Variants in METTL3 observed in about 807,000 individuals in gnomAD.
METTL3 encodes N(6)-adenosine-methyltransferase catalytic subunit METTL3.
In METTL3, 42 loss-of-function variants were observed where a neutral mutation model predicts 64.3. That is an observed-to-expected ratio of 0.65 (90% CI 0.51 to 0.84). The LOEUF (loss-of-function observed/expected upper bound fraction) is 0.84, where lower values mean the gene tolerates loss of function less well. Ranked by LOEUF, METTL3 falls within the 40% of genes least tolerant of loss-of-function variation. The pLI, the probability that METTL3 is intolerant of heterozygous loss-of-function variation, is 0.00. For synonymous variants in METTL3, 256 were observed against 263.6 expected (o/e 0.97, Z 0.28); for missense variants, 435 against 722.3 (o/e 0.60, Z 4.56).
intron 3 of METTL3, chr14:21,502,365 A>G (rs1891590175): frequency 6.4e-6 from 1 of 156,328 alleles, no homozygotes; most frequent in Non-Finnish European, 1.4e-5. Context: ...GAGCCTTCAG[A>G]TAAGAGATTT....
chr14:21,498,231 G>C lies in METTL3; in HGVS notation c.*27C>G. On this transcript the variant is annotated 3_prime_UTR_variant, in exon 11 of 11. Coordinates refer to ENST00000298717, the MANE Select transcript of METTL3 (RefSeq NM_019852.5). ...TTTAGCTTACAGAGCCATGGCTATG[G>C]ATTCTTAGCTCTGTAAGGAAGTGCT... 7.7e-7 allele frequency: 1 copy of C among 1,305,372 alleles called. No homozygotes were observed. Among genetic ancestry groups the C allele is most frequent in the South Asian group, 1.2e-5 (1 of 84,716 alleles). The allele number at this position is 1,305,372 out of a possible 1,614,324, so 80.9% of individuals were successfully genotyped here.
intron 9 of METTL3, 68 bp downstream of exon 9, chr14:21,499,238 A>G: frequency 6.3e-7 from 1 of 1,597,534 alleles, no homozygotes; most frequent in Non-Finnish European, 8.6e-7. Flanking sequence ...TGGGATGAGA[A>G]TACACCCAAC....
chr14:21,502,072 G>A (rs1490844152), intron 3 of METTL3, among the ~76,000 whole-genome samples, 169 bp from the exon 4 acceptor site: 1 of 144,052 alleles, frequency 6.9e-6, no homozygotes, highest in East Asian at 2.0e-4. Flanking sequence ...CCAGAGTGTA[G>A]TTGTGTAATC....
chr14:21,502,963 C>T lies in METTL3; in HGVS notation c.723+210G>A, dbSNP rs1891605293. 8.7e-6 allele frequency: 5 copies of T among 575,272 alleles called. No individual in the cohort carries two copies. The Admixed American group carries it at 1.5e-4, about 18-fold the overall frequency. 35.6% of individuals were successfully genotyped at this position (575,272 alleles called of 1,614,324 possible). Reference sequence around the variant, plus strand: ...GGATGTTTGACAACATCCCTGGCCTCTACCCCCACTAGATGCCAATAGCAC... The same window carrying T: ...GGATGTTTGACAACATCCCTGGCCTTTACCCCCACTAGATGCCAATAGCAC... On this transcript the variant is annotated intron_variant, in intron 3 of 10. Coordinates refer to ENST00000298717, the MANE Select transcript of METTL3 (RefSeq NM_019852.5).
chr14:21,503,070 G>A lies in METTL3; in HGVS notation c.723+103C>T. ...GGGCAGTAGGGAATCATCCCCAGTT[G>A]AGAACCACTGCTGTAAACAGTTCCT... is the stretch of plus-strand genomic sequence containing the variant. On this transcript the variant is annotated intron_variant, in intron 3 of 10. Transcript: ENST00000298717. The A allele has an allele frequency of 2.3e-6, 3 of 1,285,900 alleles. No homozygotes were observed. In the South Asian group the frequency reaches 4.3e-5, roughly 18 times the overall value. The allele number at this position is 1,285,900 out of a possible 1,614,324, so 79.7% of individuals were successfully genotyped here. A position where few individuals can be genotyped will look rare whatever the true frequency, so the allele number is the denominator to read the frequency against.
rs201104563 is a variant in METTL3, at chr14:21,499,606, G to T, written c.1344-6C>A. On this transcript the variant is annotated splice_polypyrimidine_tract_variant and splice_region_variant and intron_variant, in intron 7 of 10. Transcript: ENST00000298717. ...TTTCATCTACCCGTTCATACCTGTG[G>T]GGCATAAAAAAGAACTAGAATTTTA... The T allele has an allele frequency of 2.5e-6, 4 of 1,611,998 alleles. No homozygotes were observed. In the African/African-American group the frequency reaches 5.3e-5, roughly 22 times the overall value.
At chr14:21,500,835 C>G (rs1891548833) in intron 5 of METTL3, 78 bp downstream of exon 5, 1 of 1,470,852 alleles carries the variant, frequency 6.8e-7, no homozygotes, top group East Asian at 2.3e-5. Context: ...GAATTATGCT[C>G]TGCTTTCTTA....
At position 21,499,615 on chromosome 14, in the gene METTL3, AAAG is replaced by A. The variant is rs1368651945; in HGVS notation, c.1344-18_1344-16del. ...CCCGTTCATACCTGTGGGGCATAAA[AAAG>A]AACTAGAATTTTAGCCAAACTTTTA... On this transcript the variant is annotated splice_polypyrimidine_tract_variant and intron_variant, in intron 7 of 10. Transcript: ENST00000298717. 1.9e-6 allele frequency: 3 copies of A among 1,610,858 alleles called. No homozygotes were observed. The highest frequency in any genetic ancestry group is 2.2e-5 in the East Asian group (1 of 44,890).
At chr14:21,505,752 T>C (rs1232379242) in intron 1 of METTL3, among the ~76,000 whole-genome samples, 1 of 152,216 alleles carries the variant, frequency 6.6e-6, no homozygotes, top group Admixed American at 6.5e-5. Flanking sequence ...ATAAGGTATT[T>C]ATTCATTTAT....
At chr14:21,507,952 C>T (rs1891738215) in intron 1 of METTL3, 2 of 152,046 alleles carry the variant, frequency 1.3e-5, no homozygotes, top group Admixed American at 1.3e-4. Flanking sequence ...ATTACAACCC[C>T]AAAAATACTT....
chr14:21,501,665 A>T, intron 4 of METTL3, 63 bp downstream of exon 4: 1 of 1,601,178 alleles, frequency 6.2e-7, no homozygotes, highest in Non-Finnish European at 8.6e-7. Context: ...ACTGGAAGGA[A>T]TATGCTGAAA....
At chr14:21,502,033 TAA>T (rs1566492555) in intron 3 of METTL3, 130 bp from the exon 4 acceptor site, 8 of 636,342 alleles carry the variant, frequency 1.3e-5, no homozygotes, top group African/African-American at 2.1e-5. Flanking sequence ...TTTTTTTTTT[TAA>T]GAGATGGGAT....
In METTL3 at chr14:21,498,157, G is replaced by A. The variant is rs371381622; in HGVS notation, c.*101C>T. On this transcript the variant is annotated 3_prime_UTR_variant, in exon 11 of 11. Coordinates refer to ENST00000298717, the MANE Select transcript of METTL3 (RefSeq NM_019852.5). The stretch of plus-strand genomic sequence containing the variant: ...TCAGAATCCCAACTACAATACAAAT[G>A]TTTATTTAAATAAAGAAGAAAGCTA... The A allele has an allele frequency of 4.1e-6, 3 of 731,122 alleles. No individual in the cohort carries two copies. The highest frequency in any genetic ancestry group is 2.3e-6 in the Non-Finnish European group (1 of 428,184). 45.3% of individuals were successfully genotyped at this position (731,122 alleles called of 1,614,324 possible). A position where few individuals can be genotyped will look rare whatever the true frequency, so the allele number is the denominator to read the frequency against.
In METTL3 at chr14:21,499,024, C is replaced by T. The variant is rs774965104; in HGVS notation, c.1631+1G>A. The T allele has an allele frequency of 3.9e-5, 62 of 1,608,880 alleles. No homozygotes were observed. The highest frequency in any genetic ancestry group is 9.4e-6 in the Non-Finnish European group (11 of 1,175,384). ...ACTAGCCTGTTCTCTGGTCACCTTA[C>T]CAGTTGGGTTGCACATTGTGTGGTC... is the stretch of plus-strand genomic sequence containing the variant. On this transcript the variant is annotated splice_donor_variant, in intron 10 of 10. Transcript: ENST00000298717. LOFTEE classifies it high-confidence loss of function.
At chr14:21,509,069 G>A (rs1891767560) in intron 1 of METTL3, among the ~76,000 whole-genome samples, 1 of 152,210 alleles carries the variant, frequency 6.6e-6, no homozygotes, top group Non-Finnish European at 1.5e-5. Flanking sequence ...GCCAGGCATG[G>A]TGGCTCACGC....
Position 21,503,036 on chromosome 14 carries a change from C to T in METTL3, c.723+137G>A, listed in dbSNP as rs368420364. 2.0e-3 allele frequency: 1,864 copies of T among 953,848 alleles called. 40 individuals carry two copies. The South Asian group carries it at 0.029, about 15-fold the overall frequency. The allele number at this position is 953,848 out of a possible 1,614,324, so 59.1% of individuals were successfully genotyped here. ...ATGTCTCCGGACATTACCAGATCCC[C>T]TGGGAGTTGGGCAGTAGGGAATCAT... is the stretch of plus-strand genomic sequence containing the variant. On this transcript the variant is annotated intron_variant, in intron 3 of 10. Transcript: ENST00000298717.
At chr14:21,507,880 A>G (rs1891736231) in intron 1 of METTL3, 5 of 152,190 alleles carry the variant, frequency 3.3e-5, no homozygotes, top group Admixed American at 3.3e-4. Context: ...ATCTTTACCT[A>G]TTACCACAGT....
At chr14:21,502,198 C>A (rs1891586132) in intron 3 of METTL3, among the ~76,000 whole-genome samples, 1 of 151,846 alleles carries the variant, frequency 6.6e-6, no homozygotes, top group African/African-American at 2.4e-5. Context: ...GTTTTAATTA[C>A]TTTACTTTCT....
chr14:21,501,725 G>A lies in METTL3; in HGVS notation c.899+3C>T. ...CATCCCACCTCATTCCCTTCCAAGAGACCTGAAGTGCAGCTTGCGACAGGG... is the reference window on the plus strand; with the variant it reads ...CATCCCACCTCATTCCCTTCCAAGAAACCTGAAGTGCAGCTTGCGACAGGG... On this transcript the variant is annotated splice_donor_region_variant and intron_variant, in intron 4 of 10. Coordinates refer to ENST00000298717, the MANE Select transcript of METTL3 (RefSeq NM_019852.5). 6.2e-7 allele frequency: 1 copy of A among 1,614,098 alleles called. No homozygotes were observed. Among genetic ancestry groups the A allele is most frequent in the Non-Finnish European group, 8.5e-7 (1 of 1,179,946 alleles).
Sources: gnomAD v4.1 joint callset for allele counts (sites outside exome capture counted in the v4.1 genomes callset) on GRCh38, gnomAD v4.1.1 for gene constraint, MANE v1.5 for transcripts, NCBI Gene and HGNC (gene_info 2026-07-23, HGNC 2026-07-21) for gene names.